DPP10: variants seen among roughly 807,000 people sequenced by gnomAD.
The protein encoded by DPP10 is dipeptidyl peptidase like 10.
Under a neutral mutation model 120.9 loss-of-function variants are expected in DPP10, and 33 were observed. The observed-to-expected ratio is 0.27, with a 90% CI of 0.21 to 0.37. The LOEUF (loss-of-function observed/expected upper bound fraction) is 0.37. Among genes scored for constraint, DPP10 ranks in the 10% least tolerant of loss-of-function variants. The pLI, the probability that DPP10 is intolerant of heterozygous loss-of-function variation, is 1.00. For missense variants in DPP10, 816 were observed against 942.8 expected (o/e 0.87, Z 1.76); for synonymous variants, 337 against 326.1 (o/e 1.03, Z -0.36).
chr2:115,185,742 T>A (rs1344006924), intron 1 of DPP10, among the ~76,000 whole-genome samples: 1 of 152,202 alleles, frequency 6.6e-6, no homozygotes, highest in Admixed American at 6.5e-5. Context: ...GTGGCTCTAA[T>A]TCAGTGTGGC....
At chr2:115,286,538 T>TATATATATATATATATATAA (rs1559367007) in intron 1 of DPP10, among the ~76,000 whole-genome samples, 2 of 113,884 alleles carry the variant, frequency 1.8e-5, no homozygotes, top group Non-Finnish European at 3.6e-5. Flanking sequence ...TATATATATA[T>TATATATATATATATATATAA]ATAAAATATA....
At chr2:114,497,229 AC>A (rs1257109713) in intron 1 of DPP10, among the ~76,000 whole-genome samples, 3 of 149,422 alleles carry the variant, frequency 2.0e-5, no homozygotes, top group African/African-American at 7.3e-5. Flanking sequence ...GTATGCATGT[AC>A]GTGCGTATAC....
chr2:114,979,338 C>A (rs1699947024), intron 1 of DPP10, among the ~76,000 whole-genome samples: 1 of 151,874 alleles, frequency 6.6e-6, no homozygotes, highest in Non-Finnish European at 1.5e-5. Context: ...AATTATATGA[C>A]AGATCCCATC....
intron 1 of DPP10, among the ~76,000 whole-genome samples, chr2:115,201,901 G>A (rs933487398): frequency 2.0e-4 from 30 of 152,240 alleles, no homozygotes; most frequent in African/African-American, 6.5e-4. Context: ...GGGCATTATC[G>A]GGTGAGAACG....
intron 1 of DPP10, among the ~76,000 whole-genome samples, chr2:114,611,267 G>A (rs2105285009): frequency 6.6e-6 from 1 of 152,270 alleles, no homozygotes; most frequent in South Asian, 2.1e-4. Context: ...AAGCAGAAAA[G>A]GAAGACAACA....
intron 1 of DPP10, among the ~76,000 whole-genome samples, chr2:114,460,441 TTGTC>T (rs1004542870): frequency 6.0e-4 from 92 of 152,234 alleles, no homozygotes; most frequent in African/African-American, 1.9e-3. Context: ...AAAAGCTCCT[TTGTC>T]TGAACGGTGA....
At chr2:114,953,491 C>A (rs531007834) in intron 1 of DPP10, among the ~76,000 whole-genome samples, 1 of 150,758 alleles carries the variant, frequency 6.6e-6, no homozygotes, top group Non-Finnish European at 1.5e-5. Context: ...TGTGTGTGTG[C>A]GTGTGTGTGT....
intron 1 of DPP10, among the ~76,000 whole-genome samples, chr2:114,979,552 A>C (rs1699957825): frequency 6.6e-6 from 1 of 151,990 alleles, no homozygotes; most frequent in African/African-American, 2.4e-5. Context: ...GGAATTACTA[A>C]ACAATCTGTC....
chr2:115,680,904 A>G (rs982960479), intron 5 of DPP10, among the ~76,000 whole-genome samples: 7 of 151,984 alleles, frequency 4.6e-5, no homozygotes, highest in African/African-American at 1.7e-4. Context: ...ACACTGATAT[A>G]TAAGTTATGA....
chr2:115,062,232 G>A (rs768403532), intron 1 of DPP10, among the ~76,000 whole-genome samples: 49 of 151,444 alleles, frequency 3.2e-4, no homozygotes, highest in Admixed American at 9.2e-4. Flanking sequence ...TCCTCTTTGA[G>A]TCTAATGTCA....
chr2:114,562,273 C>G (rs1014675283), intron 1 of DPP10, among the ~76,000 whole-genome samples: 9 of 152,346 alleles, frequency 5.9e-5, no homozygotes, highest in South Asian at 2.1e-4. Context: ...ATGAAGAACA[C>G]TTACCATCAT....
intron 5 of DPP10, among the ~76,000 whole-genome samples, chr2:115,616,222 T>G (rs1427343061): frequency 6.6e-6 from 1 of 152,136 alleles, no homozygotes; most frequent in Non-Finnish European, 1.5e-5. Flanking sequence ...AATATCACTT[T>G]GTCAGTAAAT....
chr2:115,377,395 G>A (rs188912166), intron 3 of DPP10, among the ~76,000 whole-genome samples: 142 of 152,074 alleles, frequency 9.3e-4, no homozygotes, highest in African/African-American at 3.3e-3. Flanking sequence ...TTTTTGATGG[G>A]GTTGTTTGTT....
chr2:114,533,029 T>A (rs1686170619), intron 1 of DPP10, among the ~76,000 whole-genome samples: 1 of 152,188 alleles, frequency 6.6e-6, no homozygotes, highest in African/African-American at 2.4e-5. Flanking sequence ...GGACAGGATA[T>A]TTATTAGCAC....
At chr2:114,706,207 G>T (rs1376285143) in intron 1 of DPP10, among the ~76,000 whole-genome samples, 1 of 152,186 alleles carries the variant, frequency 6.6e-6, no homozygotes. Flanking sequence ...TTTACAAATT[G>T]GTTTAGAATT....
At chr2:115,130,169 T>G (rs1435246452) in intron 1 of DPP10, among the ~76,000 whole-genome samples, 1 of 152,218 alleles carries the variant, frequency 6.6e-6, no homozygotes, top group African/African-American at 2.4e-5. Context: ...CAGATGGAAG[T>G]TGTAGGCTAT....
At chr2:115,442,749 A>G (rs1019601356) in intron 3 of DPP10, among the ~76,000 whole-genome samples, 6 of 152,202 alleles carry the variant, frequency 3.9e-5, no homozygotes, top group Non-Finnish European at 8.8e-5. Context: ...TTACAACGAT[A>G]TTAAAAACTC....
intron 1 of DPP10, among the ~76,000 whole-genome samples, chr2:114,446,910 CT>C (rs769930310): frequency 5.5e-4 from 84 of 152,008 alleles, no homozygotes; most frequent in Admixed American, 1.2e-3. Flanking sequence ...AATACGTAGG[CT>C]TGGAACATGG....
chr2:114,576,614 A>T (rs1377759269), intron 1 of DPP10, among the ~76,000 whole-genome samples: 3 of 152,182 alleles, frequency 2.0e-5, no homozygotes, highest in African/African-American at 7.2e-5. Context: ...AGGACAAGGT[A>T]GGGAAGAGTG....
Sources: allele counts gnomAD v4.1 joint callset (sites outside exome capture counted in the v4.1 genomes callset), GRCh38; gene constraint gnomAD v4.1.1; transcripts MANE v1.5; gene names NCBI Gene and HGNC (gene_info 2026-07-23, HGNC 2026-07-21).